Variants in DTL observed in about 807,000 individuals in gnomAD.
The protein encoded by DTL is denticleless protein homolog.
In DTL, 46 loss-of-function variants were observed where a neutral mutation model predicts 87.0. The ratio of observed to expected loss-of-function variants is 0.53; its 90% CI spans 0.42 to 0.68. DTL has a LOEUF of 0.68. Ranked by LOEUF, DTL falls within the 30% of genes least tolerant of loss-of-function variation. The pLI is 0.00. For synonymous variants in DTL, 308 were observed against 311.2 expected (o/e 0.99, Z 0.11); for missense variants, 737 against 869.4 (o/e 0.85, Z 1.91).
chr1:212,083,286 G>A (rs1358246591), intron 13 of DTL, among the ~76,000 whole-genome samples: 4 of 152,258 alleles, frequency 2.6e-5, no homozygotes, highest in East Asian at 1.9e-4. Flanking sequence ...TTGCTGTCAC[G>A]AGAACAGCAT....
chr1:212,097,019 C>G (rs1319868242), intron 13 of DTL, among the ~76,000 whole-genome samples: 1 of 152,184 alleles, frequency 6.6e-6, no homozygotes, highest in Admixed American at 6.5e-5. Context: ...CTCCTTTTAG[C>G]AGTTTTTGTA....
intron 11 of DTL, among the ~76,000 whole-genome samples, chr1:212,075,886 TC>T (rs1408770000): frequency 6.6e-6 from 1 of 152,110 alleles, no homozygotes; most frequent in Non-Finnish European, 1.5e-5. Flanking sequence ...AATCCCCTCT[TC>T]CTCCCCAACA....
chr1:212,082,732 G>A (rs148723572), intron 13 of DTL, among the ~76,000 whole-genome samples: 12 of 152,200 alleles, frequency 7.9e-5, no homozygotes, highest in African/African-American at 1.9e-4. Context: ...TATTAACTGC[G>A]AATGAGGATA....
At chr1:212,094,823 A>T (rs1655398371) in intron 13 of DTL, among the ~76,000 whole-genome samples, 1 of 152,066 alleles carries the variant, frequency 6.6e-6, no homozygotes, top group Admixed American at 6.6e-5. Context: ...TTACTTCCTT[A>T]GTTAGGTATA....
intron 5 of DTL, among the ~76,000 whole-genome samples, chr1:212,057,992 TATG>T (rs1668230540): frequency 1.3e-5 from 2 of 152,172 alleles, no homozygotes; most frequent in Non-Finnish European, 2.9e-5. Context: ...AAGGTTATTC[TATG>T]ATGATAAATC....
chr1:212,093,021 G>C (rs1324858588), intron 13 of DTL, among the ~76,000 whole-genome samples: 2 of 152,142 alleles, frequency 1.3e-5, no homozygotes, highest in Non-Finnish European at 2.9e-5. Flanking sequence ...TCATAAGTTT[G>C]ATGGCCCTGT....
intron 13 of DTL, among the ~76,000 whole-genome samples, chr1:212,097,493 A>G (rs1257637420): frequency 1.3e-5 from 2 of 151,888 alleles, no homozygotes; most frequent in Non-Finnish European, 1.5e-5. Context: ...TCTTTCTTCT[A>G]CTTGTTTGGT....
intron 6 of DTL, among the ~76,000 whole-genome samples, chr1:212,064,319 CTGT>C (rs1280153387): frequency 1.4e-3 from 218 of 152,290 alleles, no homozygotes; most frequent in African/African-American, 4.9e-3. Flanking sequence ...TGACAACATC[CTGT>C]GCCTGAGTGG....
At chr1:212,042,972 T>C (rs1667700560) in intron 1 of DTL, 21 bp from the exon 2 acceptor site, 3 of 1,576,998 alleles carry the variant, frequency 1.9e-6, no homozygotes, top group South Asian at 2.4e-5. Context: ...TGGAATTCTA[T>C]AAGGAATTAT....
At chr1:212,061,237 G>C (rs1219354509) in intron 5 of DTL, among the ~76,000 whole-genome samples, 3 of 146,452 alleles carry the variant, frequency 2.0e-5, no homozygotes, top group Non-Finnish European at 3.0e-5. Flanking sequence ...GATAGAGTGA[G>C]ATCCTGTCTC....
intron 5 of DTL, among the ~76,000 whole-genome samples, chr1:212,055,057 A>G (rs141896047): frequency 2.0e-5 from 3 of 152,338 alleles, no homozygotes; most frequent in African/African-American, 7.2e-5. Context: ...GAACCAAAAT[A>G]GTGAGATATT....
At chr1:212,073,784 C>T (rs1654750213) in intron 11 of DTL, among the ~76,000 whole-genome samples, 1 of 152,002 alleles carries the variant, frequency 6.6e-6, no homozygotes, top group Non-Finnish European at 1.5e-5. Flanking sequence ...TACTTGACTC[C>T]ATCACAAGAT....
At position 212,100,824 on chromosome 1, in the gene DTL, G is replaced by A; in HGVS notation, c.1834G>A (p.Glu612Lys). Residue 612 changes from glutamate (E) to lysine (K), a missense_variant, in exon 14 of 15, where the codon GAA becomes AAA. Coordinates refer to ENST00000366991, the MANE Select transcript of DTL (RefSeq NM_016448.4). ...SLGPTKSSKI[E>K]GAGTSISEPP... ...AGGTCCTACCAAATCAAGCAAAATTGAAGGAGCTGGTACCAGTATCTCAGA... is the reference window on the plus strand; with the variant it reads ...AGGTCCTACCAAATCAAGCAAAATTAAAGGAGCTGGTACCAGTATCTCAGA... The A allele has an allele frequency of 1.2e-6, 2 of 1,614,150 alleles. No individual in the cohort carries two copies. The highest frequency in any genetic ancestry group is 1.7e-6 in the Non-Finnish European group (2 of 1,180,028).
intron 5 of DTL, among the ~76,000 whole-genome samples, chr1:212,053,406 T>G (rs1668058949): frequency 6.6e-6 from 1 of 152,004 alleles, no homozygotes; most frequent in African/African-American, 2.4e-5. Flanking sequence ...CACCCATGGT[T>G]GGTCTTGAAC....
intron 5 of DTL, among the ~76,000 whole-genome samples, chr1:212,048,844 A>G (rs1360497457): frequency 6.6e-6 from 1 of 151,900 alleles, no homozygotes; most frequent in Admixed American, 6.6e-5. Flanking sequence ...TTTAAAAATC[A>G]AATGTTTTCA....
rs948160615 is a variant in DTL, at chr1:212,103,703, C to G, written c.*763C>G. 1 of 152,150 alleles carries G rather than the reference C, an allele frequency of 6.6e-6. No homozygotes were observed. The highest frequency in any genetic ancestry group is 1.5e-5 in the Non-Finnish European group (1 of 68,020). 9.4% of individuals were successfully genotyped at this position (152,150 alleles called of 1,614,324 possible). ...TCTGCTATGTCAGCCAACCCAACAT[C>G]ACTTTCTACAGGAGGTTATGATTTT... On this transcript the variant is annotated 3_prime_UTR_variant, in exon 15 of 15. Transcript: ENST00000366991.
intron 5 of DTL, among the ~76,000 whole-genome samples, chr1:212,052,794 T>G (rs969013608): frequency 3.9e-5 from 6 of 152,096 alleles, no homozygotes; most frequent in Non-Finnish European, 7.3e-5. Flanking sequence ...CATGCATCCT[T>G]GAGGTTTTGT....
At chr1:212,069,548 ATTT>A (rs397863295) in intron 10 of DTL, among the ~76,000 whole-genome samples, 1 of 144,560 alleles carries the variant, frequency 6.9e-6, no homozygotes, top group African/African-American at 2.5e-5. Context: ...ATAGATATAA[ATTT>A]TTTTTTTTTT....
At position 212,100,797 on chromosome 1, in the gene DTL, C is replaced by T; in HGVS notation, c.1807C>T (p.Leu603=). ...GNQEDLSKDS[L]GPTKSSKIEG... ...CCAGGAAGACCTTAGTAAGGACTCT[C>T]TAGGTCCTACCAAATCAAGCAAAAT... The change falls in exon 14 of 15, where the codon CTA becomes TTA. Residue 603 remains leucine (L), a synonymous_variant. Transcript: ENST00000366991. 1 of 1,614,108 alleles carries T rather than the reference C, an allele frequency of 6.2e-7. No homozygotes were observed. Among genetic ancestry groups the T allele is most frequent in the Non-Finnish European group, 8.5e-7 (1 of 1,180,004 alleles).
Sources: allele counts gnomAD v4.1 joint callset (sites outside exome capture counted in the v4.1 genomes callset), GRCh38; gene constraint gnomAD v4.1.1; transcripts MANE v1.5; gene names NCBI Gene and HGNC (gene_info 2026-07-23, HGNC 2026-07-21).